Variants in ZNF609 observed in about 807,000 individuals in gnomAD.
ZNF609 encodes the protein zinc finger protein 609.
Under a neutral mutation model 109.5 loss-of-function variants are expected in ZNF609, and 11 were observed. The ratio of observed to expected loss-of-function variants is 0.10; its 90% CI spans 0.06 to 0.17. ZNF609 has a LOEUF of 0.17. Among genes scored for constraint, ZNF609 ranks in the 10% least tolerant of loss-of-function variants. The pLI is 1.00. For synonymous variants in ZNF609, 646 were observed against 662.0 expected, an observed-to-expected ratio of 0.98 and a Z score of 0.37; for missense variants, 1,559 against 1,772.4, an observed-to-expected ratio of 0.88 and a Z score of 2.16.
chr15:64,495,164 T>TG (rs1173556137), intron 1 of ZNF609, among the ~76,000 whole-genome samples: 2 of 152,232 alleles, frequency 1.3e-5, no homozygotes, highest in African/African-American at 4.8e-5. Flanking sequence ...CAAGAGGAAT[T>TG]TGAAAAAATA....
intron 2 of ZNF609, among the ~76,000 whole-genome samples, chr15:64,546,436 CTT>C (rs113149337): frequency 1.4e-4 from 20 of 140,432 alleles, no homozygotes; most frequent in Middle Eastern, 3.6e-3. Flanking sequence ...ATGTTTCTTT[CTT>C]TTTTTTTTTT....
intron 3 of ZNF609, among the ~76,000 whole-genome samples, chr15:64,623,677 C>T (rs374755573): frequency 6.6e-6 from 1 of 152,200 alleles, no homozygotes; most frequent in Non-Finnish European, 1.5e-5. Flanking sequence ...GGCATCCAGA[C>T]TTCTTGCATG....
intron 2 of ZNF609, among the ~76,000 whole-genome samples, chr15:64,549,875 T>C (rs1399999482): frequency 1.3e-5 from 2 of 152,186 alleles, no homozygotes; most frequent in Non-Finnish European, 2.9e-5. Context: ...AGCTTCAGTC[T>C]CCTGTACCCA....
intron 2 of ZNF609, among the ~76,000 whole-genome samples, chr15:64,573,350 T>A (rs58927586): frequency 1.0e-5 from 1 of 97,260 alleles, no homozygotes. Flanking sequence ...AACTTTCTTT[T>A]TTTTTTTTTT....
At chr15:64,633,506 C>T (rs1330640848) in intron 3 of ZNF609, among the ~76,000 whole-genome samples, 1 of 152,172 alleles carries the variant, frequency 6.6e-6, no homozygotes, top group African/African-American at 2.4e-5. Flanking sequence ...TCTTCAACTC[C>T]TGGGCTCAAG....
At chr15:64,673,411 C>T (rs1896763950) in intron 4 of ZNF609, among the ~76,000 whole-genome samples, 1 of 151,980 alleles carries the variant, frequency 6.6e-6, no homozygotes, top group South Asian at 2.1e-4. Flanking sequence ...ATTCAAAGAA[C>T]TCATGTACTC....
intron 1 of ZNF609, among the ~76,000 whole-genome samples, chr15:64,481,319 C>CTTTTTTTTTT (rs889184379): frequency 7.9e-6 from 1 of 127,272 alleles, no homozygotes; most frequent in African/African-American, 3.0e-5. Context: ...TTTCTTTTTT[C>CTTTTTTTTTT]TTTTTTTTTT....
intron 1 of ZNF609, among the ~76,000 whole-genome samples, chr15:64,496,412 G>C (rs2140348169): frequency 6.6e-6 from 1 of 152,296 alleles, no homozygotes; most frequent in East Asian, 1.9e-4. Context: ...GTAACCCTTA[G>C]ATTAATGTAG....
rs626201 is a variant in ZNF609 at position 64,558,004 on chromosome 15, G to T, written c.747+57838G>T. On this transcript the variant is annotated intron_variant, in intron 2 of 9. Coordinates refer to ENST00000326648, the MANE Select transcript of ZNF609 (RefSeq NM_015042.2). ...CGGCCGAAAGATTTTCTTAAAGGAGGAGATACCAGGAAATCACTTTATAGT... is the reference window on the plus strand; with the variant it reads ...CGGCCGAAAGATTTTCTTAAAGGAGTAGATACCAGGAAATCACTTTATAGT... 6.7e-3 allele frequency among the ~76,000 whole-genome samples: 1,026 copies of T among 152,262 alleles called. 16 individuals are homozygous for T. Among genetic ancestry groups the T allele is most frequent in the African/African-American group, 0.023 (946 of 41,556 alleles).
chr15:64,577,305 ATATATG>A lies in ZNF609; in HGVS notation c.748-45516_748-45511del, dbSNP rs1372698091. On this transcript the variant is annotated intron_variant, in intron 2 of 9. Transcript: ENST00000326648. ...TATATATATACACACAAATATATAC[ATATATG>A]TATATATATACACACAAATATATAC... Among the ~76,000 whole-genome samples, 200 of 20,458 alleles carry A rather than the reference ATATATG, an allele frequency of 9.8e-3. 49 individuals carry two copies. The highest frequency in any genetic ancestry group is 0.013 in the African/African-American group (196 of 14,646). The allele number at this position is 20,458 out of a possible 152,430, so 13.4% of individuals were successfully genotyped here. A position where few individuals can be genotyped will look rare whatever the true frequency, so the allele number is the denominator to read the frequency against.
chr15:64,487,442 C>T (rs1893347958), intron 1 of ZNF609, among the ~76,000 whole-genome samples: 1 of 152,140 alleles, frequency 6.6e-6, no homozygotes, highest in South Asian at 2.1e-4. Context: ...GTGCACAACT[C>T]AGTTTTTCCA....
intron 3 of ZNF609, among the ~76,000 whole-genome samples, chr15:64,657,338 G>A (rs754149616): frequency 4.0e-5 from 6 of 150,442 alleles, no homozygotes; most frequent in Non-Finnish European, 5.9e-5. Context: ...GTTTGAGGCC[G>A]TGCATGGTGG....
chr15:64,502,246 T>C (rs1411942960), intron 2 of ZNF609: 1 of 152,240 alleles, frequency 6.6e-6, no homozygotes, highest in Non-Finnish European at 1.5e-5. Flanking sequence ...TCAACCCTTT[T>C]GGACAGTCTG....
chr15:64,529,735 C>G (rs764637716), intron 2 of ZNF609: 25 of 607,800 alleles, frequency 4.1e-5, no homozygotes, highest in Non-Finnish European at 6.8e-5. Flanking sequence ...ACAGGAGGAG[C>G]AGAGACTTTT....
At chr15:64,546,350 T>A (rs1266594315) in intron 2 of ZNF609, among the ~76,000 whole-genome samples, 1 of 152,104 alleles carries the variant, frequency 6.6e-6, no homozygotes, top group Non-Finnish European at 1.5e-5. Flanking sequence ...GCTCAAGTGA[T>A]CCTCCCACTT....
intron 1 of ZNF609, among the ~76,000 whole-genome samples, chr15:64,475,392 CTTT>C (rs35289626): frequency 1.8e-5 from 2 of 109,574 alleles, no homozygotes; most frequent in Admixed American, 1.2e-4. Flanking sequence ...CACATGTTGT[CTTT>C]TTTTTTTTTT....
At chr15:64,650,768 CAA>C (rs772682191) in intron 3 of ZNF609, among the ~76,000 whole-genome samples, 1 of 151,300 alleles carries the variant, frequency 6.6e-6, no homozygotes, top group Non-Finnish European at 1.5e-5. Context: ...ACAGAATATT[CAA>C]AAGAGTCTGT....
chr15:64,624,561 A>G (rs1895923000), intron 3 of ZNF609, among the ~76,000 whole-genome samples: 1 of 152,008 alleles, frequency 6.6e-6, no homozygotes, highest in Non-Finnish European at 1.5e-5. Context: ...ATGTGAACCT[A>G]ACAAAAACTT....
At chr15:64,540,291 A>G (rs766755553) in intron 2 of ZNF609, among the ~76,000 whole-genome samples, 2 of 152,232 alleles carry the variant, frequency 1.3e-5, no homozygotes, top group Non-Finnish European at 2.9e-5. Context: ...GTTTAAAGCA[A>G]TGAAACACCA....
Sources: allele counts gnomAD v4.1 joint callset (sites outside exome capture counted in the v4.1 genomes callset), GRCh38; gene constraint gnomAD v4.1.1; transcripts MANE v1.5; gene names NCBI Gene and HGNC (gene_info 2026-07-23, HGNC 2026-07-21).